RAB28: variants seen among roughly 807,000 people sequenced by gnomAD.
RAB28 encodes the protein RAB28, member RAS oncogene family.
RAB28 carries 24 observed loss-of-function variants against 31.7 expected under a neutral mutation model. The ratio of observed to expected loss-of-function variants is 0.76; its 90% CI spans 0.55 to 1.06. The LOEUF (loss-of-function observed/expected upper bound fraction) is 1.06, where lower values mean the gene tolerates loss of function less well. RAB28 is among the 50% of genes least tolerant of loss of function. RAB28 has a pLI of 0.00. For synonymous variants in RAB28, 100 were observed against 90.4 expected, an observed-to-expected ratio of 1.11 and a Z score of -0.60; for missense variants, 254 against 258.5, an observed-to-expected ratio of 0.98 and a Z score of 0.12.
In RAB28 at chr4:13,410,439, G is replaced by C. The variant is rs569727756; in HGVS notation, c.392-28845C>G. ...GTATGTTACCAATACTCTACACTCAGGGTGAAATATATTGCAAACCCCACA... is the reference window on the plus strand; with the variant it reads ...GTATGTTACCAATACTCTACACTCACGGTGAAATATATTGCAAACCCCACA... On this transcript the variant is annotated intron_variant, in intron 4 of 6. Coordinates refer to ENST00000330852, the MANE Select transcript of RAB28 (RefSeq NM_001017979.3). Among the ~76,000 whole-genome samples, 75 of 151,964 alleles carry C rather than the reference G, an allele frequency of 4.9e-4. 1 individual carries two copies. Among genetic ancestry groups the C allele is most frequent in the Non-Finnish European group, 9.1e-4 (62 of 68,010 alleles).
At chr4:13,440,104 C>G (rs1447624646) in intron 4 of RAB28, among the ~76,000 whole-genome samples, 1 of 152,088 alleles carries the variant, frequency 6.6e-6, no homozygotes, top group African/African-American at 2.4e-5. Context: ...TAAATCAAAA[C>G]CTTTGTTTAT....
intron 2 of RAB28, among the ~76,000 whole-genome samples, chr4:13,474,901 T>C (rs1236374991): frequency 1.3e-5 from 2 of 151,616 alleles, no homozygotes; most frequent in Non-Finnish European, 3.0e-5. Context: ...CTCAAATTAA[T>C]GAATCTTTTT....
intron 4 of RAB28, among the ~76,000 whole-genome samples, chr4:13,456,081 T>A (rs996948253): frequency 3.9e-5 from 6 of 152,198 alleles, no homozygotes; most frequent in Non-Finnish European, 7.3e-5. Context: ...TTCCCATCAC[T>A]CCTTAAAGAC....
intron 4 of RAB28, among the ~76,000 whole-genome samples, chr4:13,430,173 ATTT>A (rs1219674013): frequency 1.3e-5 from 2 of 151,038 alleles, no homozygotes; most frequent in African/African-American, 2.4e-5. Context: ...ATTAAAAAAA[ATTT>A]TTTTTTTACT....
chr4:13,419,612 T>C (rs113047180), intron 4 of RAB28, among the ~76,000 whole-genome samples: 14,000 of 152,044 alleles, frequency 0.092, 1,266 homozygotes, highest in African/African-American at 0.24. Flanking sequence ...CAAAACCACA[T>C]AACTACATGA....
chr4:13,446,889 A>G (rs1714725637), intron 4 of RAB28, among the ~76,000 whole-genome samples: 1 of 152,138 alleles, frequency 6.6e-6, no homozygotes, highest in Non-Finnish European at 1.5e-5. Flanking sequence ...TATATGCTTA[A>G]TAAGCACCTC....
At chr4:13,438,411 T>C (rs184126857) in intron 4 of RAB28, among the ~76,000 whole-genome samples, 29 of 152,254 alleles carry the variant, frequency 1.9e-4, no homozygotes, top group Non-Finnish European at 3.1e-4. Flanking sequence ...CCTACACATA[T>C]TAGTAGTCAT....
chr4:13,371,899 A>C, intron 6 of RAB28: 1 of 1,481,054 alleles, frequency 6.8e-7, no homozygotes, highest in Non-Finnish European at 9.2e-7. Context: ...GGGTGAATAC[A>C]AGCTTAACCC....
intron 4 of RAB28, among the ~76,000 whole-genome samples, chr4:13,415,317 G>A (rs1577190382): frequency 6.6e-6 from 1 of 152,212 alleles, no homozygotes; most frequent in Non-Finnish European, 1.5e-5. Flanking sequence ...TTGAGGAAGT[G>A]CCCGCCGCTG....
intron 4 of RAB28, among the ~76,000 whole-genome samples, chr4:13,439,070 T>A (rs556589993): frequency 6.6e-6 from 1 of 152,332 alleles, no homozygotes; most frequent in South Asian, 2.1e-4. Context: ...TATTTGTATA[T>A]CTTCTCTAGG....
chr4:13,370,132 C>T, intron 6 of RAB28: 1 of 979,196 alleles, frequency 1.0e-6, no homozygotes, highest in Non-Finnish European at 1.2e-6. Flanking sequence ...CACACACAAA[C>T]AGCAGAATGT....
intron 4 of RAB28, among the ~76,000 whole-genome samples, chr4:13,398,125 T>C (rs905691874): frequency 1.3e-5 from 2 of 152,222 alleles, no homozygotes; most frequent in Admixed American, 6.5e-5. Flanking sequence ...GAGGAAATAA[T>C]AGGTCTAAAA....
chr4:13,482,886 T>C (rs1716675472), intron 1 of RAB28, among the ~76,000 whole-genome samples: 1 of 152,192 alleles, frequency 6.6e-6, no homozygotes, highest in South Asian at 2.1e-4. Flanking sequence ...ATCTGGGCAG[T>C]GCCAACTGTC....
chr4:13,420,747 G>T (rs576543464), intron 4 of RAB28, among the ~76,000 whole-genome samples: 1 of 152,270 alleles, frequency 6.6e-6, no homozygotes, highest in South Asian at 2.1e-4. Flanking sequence ...GGTATTAATG[G>T]AACGTATCTC....
chr4:13,456,571 T>A (rs1310626026), intron 4 of RAB28, among the ~76,000 whole-genome samples: 1 of 152,196 alleles, frequency 6.6e-6, no homozygotes, highest in Non-Finnish European at 1.5e-5. Flanking sequence ...GTCACACTGC[T>A]CTTGAATGAA....
intron 3 of RAB28, among the ~76,000 whole-genome samples, chr4:13,461,789 G>C (rs1170001374): frequency 6.6e-6 from 1 of 152,126 alleles, no homozygotes; most frequent in African/African-American, 2.4e-5. Flanking sequence ...TATAAGCCCG[G>C]ACCCTAATGG....
At chr4:13,383,278 A>G (rs1468782135) in intron 4 of RAB28, among the ~76,000 whole-genome samples, 1 of 152,196 alleles carries the variant, frequency 6.6e-6, no homozygotes, top group East Asian at 1.9e-4. Flanking sequence ...ATCACCATCC[A>G]TTAAAAAATA....
chr4:13,385,817 G>C lies in RAB28; in HGVS notation c.392-4223C>G, dbSNP rs115681150. 4.6e-3 allele frequency among the ~76,000 whole-genome samples: 700 copies of C among 152,104 alleles called. 6 individuals are homozygous for C. Among genetic ancestry groups the C allele is most frequent in the African/African-American group, 0.016 (667 of 41,514 alleles). ...TAACCTCATGATGACATCCACATGC[G>C]AAAGAATAAAAACAGACTCTTATCT... On this transcript the variant is annotated intron_variant, in intron 4 of 6. Coordinates refer to ENST00000330852, the MANE Select transcript of RAB28 (RefSeq NM_001017979.3).
chr4:13,371,204 G>A, intron 6 of RAB28: 1 of 985,368 alleles, frequency 1.0e-6, no homozygotes, highest in Non-Finnish European at 1.2e-6. Context: ...GCAACAAGCA[G>A]CATTAACTTT....
Sources: allele counts gnomAD v4.1 joint callset (sites outside exome capture counted in the v4.1 genomes callset), GRCh38; gene constraint gnomAD v4.1.1; transcripts MANE v1.5; gene names NCBI Gene and HGNC (gene_info 2026-07-23, HGNC 2026-07-21).